ACER3: variants seen among roughly 807,000 people sequenced by gnomAD.
ACER3 encodes the protein alkaline ceramidase 3.
In ACER3, 16 loss-of-function variants were observed where a neutral mutation model predicts 48.9. That is an observed-to-expected ratio of 0.33 (90% CI 0.22 to 0.50). The LOEUF is 0.50. Among genes scored for constraint, ACER3 ranks in the 20% least tolerant of loss-of-function variants. ACER3 has a pLI of 0.98. For missense variants in ACER3, 227 were observed against 326.0 expected (o/e 0.70, Z 2.34); for synonymous variants, 109 against 107.8 (o/e 1.01, Z -0.07).
intron 1 of ACER3, among the ~76,000 whole-genome samples, chr11:76,919,766 TA>T (rs1392013672): frequency 9.2e-5 from 14 of 152,152 alleles, no homozygotes; most frequent in Admixed American, 1.3e-4. Flanking sequence ...ATAAAGACAA[TA>T]TAGCAACATT....
At chr11:76,871,858 G>A (rs766282243) in intron 1 of ACER3, among the ~76,000 whole-genome samples, 13 of 152,126 alleles carry the variant, frequency 8.5e-5, no homozygotes, top group Non-Finnish European at 1.6e-4. Flanking sequence ...TTTGTTTCAG[G>A]GCCTTGCTAT....
intron 1 of ACER3, among the ~76,000 whole-genome samples, chr11:76,904,605 A>G (rs1946170609): frequency 6.6e-6 from 1 of 152,168 alleles, no homozygotes. Flanking sequence ...GGTCACTCAT[A>G]TTTGAGTCAG....
chr11:76,905,479 A>G (rs1565169275), intron 1 of ACER3, among the ~76,000 whole-genome samples: 2 of 152,086 alleles, frequency 1.3e-5, no homozygotes, highest in South Asian at 4.1e-4. Context: ...TTGCCCTTAG[A>G]CCTTTTGCCT....
chr11:76,968,762 C>T (rs968952641), intron 3 of ACER3, among the ~76,000 whole-genome samples: 1 of 152,196 alleles, frequency 6.6e-6, no homozygotes, highest in Non-Finnish European at 1.5e-5. Flanking sequence ...GAAACTGGAT[C>T]CCTTCTTTAC....
At chr11:76,906,871 C>G (rs1326033817) in intron 1 of ACER3, among the ~76,000 whole-genome samples, 2 of 152,142 alleles carry the variant, frequency 1.3e-5, no homozygotes, top group Admixed American at 6.5e-5. Context: ...ATGACTTTAT[C>G]TACAATAGAT....
intron 2 of ACER3, among the ~76,000 whole-genome samples, chr11:76,937,429 T>C (rs1287730278): frequency 2.0e-5 from 3 of 152,222 alleles, no homozygotes; most frequent in Non-Finnish European, 2.9e-5. Context: ...GTTACTGTAG[T>C]AGTATTTGTA....
intron 1 of ACER3, among the ~76,000 whole-genome samples, chr11:76,864,402 T>G (rs1372131347): frequency 3.9e-5 from 6 of 152,186 alleles, no homozygotes; most frequent in Admixed American, 2.6e-4. Context: ...AAACTTTTTG[T>G]CAAACATTGT....
chr11:76,949,271 C>T (rs1387495405), intron 2 of ACER3, among the ~76,000 whole-genome samples: 1 of 152,126 alleles, frequency 6.6e-6, no homozygotes, highest in Non-Finnish European at 1.5e-5. Context: ...CTCCTTTTTC[C>T]AATTTCATTT....
At chr11:76,955,504 C>A (rs141905522) in intron 2 of ACER3, 2 of 152,716 alleles carry the variant, frequency 1.3e-5, no homozygotes, top group African/African-American at 4.8e-5. Context: ...TGGTGAGGAA[C>A]CAAAACCAAA....
chr11:76,878,938 G>C (rs186308000), intron 1 of ACER3, among the ~76,000 whole-genome samples: 1 of 151,982 alleles, frequency 6.6e-6, no homozygotes, highest in Non-Finnish European at 1.5e-5. Flanking sequence ...ATATTTTCTT[G>C]TGCTTCTTGG....
chr11:77,011,179 G>C (rs1949255996), intron 7 of ACER3, among the ~76,000 whole-genome samples: 1 of 152,178 alleles, frequency 6.6e-6, no homozygotes, highest in South Asian at 2.1e-4. Flanking sequence ...AGAGACATAT[G>C]TTGAGTGCCT....
At chr11:76,920,885 C>A (rs910766782) in intron 1 of ACER3, among the ~76,000 whole-genome samples, 5 of 152,130 alleles carry the variant, frequency 3.3e-5, no homozygotes, top group African/African-American at 7.2e-5. Flanking sequence ...GCAATCCTCC[C>A]CCCTTGGCTT....
chr11:76,908,034 G>A (rs926474709), intron 1 of ACER3, among the ~76,000 whole-genome samples: 17 of 151,806 alleles, frequency 1.1e-4, no homozygotes, highest in African/African-American at 3.6e-4. Flanking sequence ...TCAGGGGTTC[G>A]AGACCAGCCT....
intron 9 of ACER3, among the ~76,000 whole-genome samples, chr11:77,017,679 G>C (rs987695139): frequency 4.6e-5 from 7 of 152,130 alleles, no homozygotes; most frequent in African/African-American, 1.7e-4. Context: ...TCTTGAAAAA[G>C]AGCAGACATG....
intron 1 of ACER3, among the ~76,000 whole-genome samples, chr11:76,905,561 C>A (rs1946207690): frequency 6.6e-6 from 1 of 152,120 alleles, no homozygotes; most frequent in Non-Finnish European, 1.5e-5. Context: ...TAGGAAGACT[C>A]TTCTATATGC....
intron 2 of ACER3, among the ~76,000 whole-genome samples, chr11:76,927,501 G>T (rs1209062291): frequency 6.6e-6 from 1 of 151,894 alleles, no homozygotes; most frequent in African/African-American, 2.4e-5. Context: ...GGGTACACGT[G>T]CACAACGTGC....
At chr11:76,992,704 A>G (rs1356721035) in intron 6 of ACER3, among the ~76,000 whole-genome samples, 1 of 152,180 alleles carries the variant, frequency 6.6e-6, no homozygotes, top group Non-Finnish European at 1.5e-5. Flanking sequence ...TCTGTACCAA[A>G]TTCTGAGCTG....
chr11:76,914,115 A>G (rs909021496), intron 1 of ACER3, among the ~76,000 whole-genome samples: 3 of 152,202 alleles, frequency 2.0e-5, no homozygotes, highest in African/African-American at 7.2e-5. Flanking sequence ...AACCTAGGCA[A>G]TAGCATTCAG....
In ACER3 at chr11:77,005,992, T is replaced by TATACATATATATATATA. The variant is rs1491403985; in HGVS notation, c.497+7171_497+7172insATACATATATATATATA. 1.0e-3 allele frequency among the ~76,000 whole-genome samples: 72 copies of TATACATATATATATATA among 70,556 alleles called. 2 individuals carry two copies. In the East Asian group the frequency reaches 0.014, roughly 14 times the overall value. The allele number at this position is 70,556 out of a possible 152,430, so 46.3% of individuals were successfully genotyped here. On this transcript the variant is annotated intron_variant, in intron 7 of 10. Coordinates refer to ENST00000532485, the MANE Select transcript of ACER3 (RefSeq NM_018367.7). ...ATATACATATATATATATATATATA[T>TATACATATATATATATA]TTTTTTTTTTTTTTGAGCCAGAGTT... is the stretch of plus-strand genomic sequence containing the variant.
Sources: gnomAD v4.1 joint callset for allele counts (sites outside exome capture counted in the v4.1 genomes callset) on GRCh38, gnomAD v4.1.1 for gene constraint, MANE v1.5 for transcripts, NCBI Gene and HGNC (gene_info 2026-07-23, HGNC 2026-07-21) for gene names.